The following NDUFS1 variants were observed in gnomAD, a reference collection of about 807,000 sequenced individuals.
The protein encoded by NDUFS1 is NADH:ubiquinone oxidoreductase core subunit S1.
NDUFS1 carries 61 observed loss-of-function variants against 84.4 expected under a neutral mutation model. The ratio of observed to expected loss-of-function variants is 0.72; its 90% CI spans 0.59 to 0.89. The LOEUF is 0.89. Ranked by LOEUF, NDUFS1 falls within the 40% of genes least tolerant of loss-of-function variation. The probability of loss-of-function intolerance (pLI) is 0.00; values close to 1 mark genes in which losing one functional copy is unlikely to be tolerated. For synonymous variants in NDUFS1, 275 were observed against 290.0 expected (o/e 0.95, Z 0.53); for missense variants, 891 against 890.0 (o/e 1.00, Z -0.01).
intron 5 of NDUFS1, among the ~76,000 whole-genome samples, chr2:206,148,332 A>AT (rs887849102): frequency 2.0e-5 from 3 of 151,664 alleles, no homozygotes; most frequent in African/African-American, 2.4e-5. Flanking sequence ...TTGTGGTAAT[A>AT]TTTTTTTTAA....
In NDUFS1 at chr2:206,144,882, T is replaced by A. The variant is rs572324848; in HGVS notation, c.872+10A>T. 3.2e-5 allele frequency: 51 copies of A among 1,613,090 alleles called. No individual in the cohort carries two copies. The Admixed American group carries it at 3.7e-4, about 12-fold the overall frequency. On this transcript the variant is annotated intron_variant, in intron 9 of 18. Coordinates refer to ENST00000233190, the MANE Select transcript of NDUFS1 (RefSeq NM_005006.7). ...ACTGTAAAAGTTAAGGAAAACAATA[T>A]AGCATATACCTGGTTTTATCAGAGA...
intron 1 of NDUFS1, chr2:206,159,061 T>C: frequency 6.5e-7 from 1 of 1,535,100 alleles, no homozygotes; most frequent in Non-Finnish European, 8.7e-7. Flanking sequence ...TGTCCTGAAT[T>C]TTCCCTGCAG....
chr2:206,158,698 A>C (rs1180413116), intron 1 of NDUFS1, among the ~76,000 whole-genome samples: 1 of 152,378 alleles, frequency 6.6e-6, no homozygotes, highest in Non-Finnish European at 1.5e-5. Context: ...TCGTGTGTGA[A>C]CAGAGTTGTG....
chr2:206,133,749 G>A (rs1438835541), intron 13 of NDUFS1, among the ~76,000 whole-genome samples: 4 of 152,198 alleles, frequency 2.6e-5, no homozygotes, highest in African/African-American at 7.2e-5. Flanking sequence ...AGGCTGAGGT[G>A]GGTGGATCAC....
intron 11 of NDUFS1, 24 bp from the exon 12 acceptor site, chr2:206,142,093 C>T: frequency 1.3e-6 from 2 of 1,552,216 alleles, no homozygotes; most frequent in Non-Finnish European, 1.8e-6. Flanking sequence ...ATATAAAATG[C>T]AAATTTACTT....
Position 206,122,084 on chromosome 2 carries a change from G to A in NDUFS1, c.*2101C>T, listed in dbSNP as rs918431832. 1 of 152,088 alleles carries A rather than the reference G, an allele frequency of 6.6e-6. No homozygotes were observed. Among genetic ancestry groups the A allele is most frequent in the Non-Finnish European group, 1.5e-5 (1 of 68,026 alleles). 9.4% of individuals were successfully genotyped at this position (152,088 alleles called of 1,614,324 possible). ...CAACTTCATGATGTATCACTGAGGAGGATAAGATAAACAGTTCTAAAAGCT... is the reference window on the plus strand; with the variant it reads ...CAACTTCATGATGTATCACTGAGGAAGATAAGATAAACAGTTCTAAAAGCT... On this transcript the variant is annotated 3_prime_UTR_variant, in exon 19 of 19. Transcript: ENST00000233190.
rs139379189 is a variant in NDUFS1 at position 206,128,809 on chromosome 2, A to G, written c.1709-837T>C. On this transcript the variant is annotated intron_variant, in intron 15 of 18. Transcript: ENST00000233190. ...AAAAAAAATTTTTTTTTTAAAGAAA[A>G]AAAAGTATCTTCTCAGACTATTTTA... 2.0e-3 allele frequency among the ~76,000 whole-genome samples: 309 copies of G among 152,154 alleles called. 1 individual carries two copies. Among genetic ancestry groups the G allele is most frequent in the African/African-American group, 7.1e-3 (293 of 41,534 alleles).
At chr2:206,159,113 C>A in intron 1 of NDUFS1, 1 of 1,535,716 alleles carries the variant, frequency 6.5e-7, no homozygotes, top group Non-Finnish European at 8.7e-7. Flanking sequence ...ACAGCGTTCC[C>A]GAGGACCCCC....
intron 13 of NDUFS1, among the ~76,000 whole-genome samples, chr2:206,136,627 T>C (rs1490011732): frequency 6.6e-6 from 1 of 151,730 alleles, no homozygotes; most frequent in Non-Finnish European, 1.5e-5. Flanking sequence ...AGAGACGGGG[T>C]TTAACCATGT....
intron 13 of NDUFS1, among the ~76,000 whole-genome samples, chr2:206,135,423 C>T (rs974902002): frequency 6.6e-5 from 10 of 152,040 alleles, no homozygotes; most frequent in Middle Eastern, 3.4e-3. Context: ...GCCTGTAATC[C>T]CAGTACTTTG....
chr2:206,142,407 G>A (rs1002845054), intron 11 of NDUFS1, among the ~76,000 whole-genome samples: 1 of 152,142 alleles, frequency 6.6e-6, no homozygotes, highest in Non-Finnish European at 1.5e-5. Context: ...TAGAGACGGG[G>A]TTTCGCCATG....
At chr2:206,127,517 C>CA (rs1240650505) in intron 16 of NDUFS1, 1 of 322,152 alleles carries the variant, frequency 3.1e-6, no homozygotes, top group Non-Finnish European at 5.9e-6. Flanking sequence ...AACTCTGTCT[C>CA]AAAAATAAAT....
chr2:206,124,169 G>A lies in NDUFS1; in HGVS notation c.*16C>T, dbSNP rs1363588987. The stretch of plus-strand genomic sequence containing the variant: ...CATTAATTATCTGCGGCAAAACTGG[G>A]ATCCTAGTAGAAGCTTCAGCATATG... On this transcript the variant is annotated 3_prime_UTR_variant, in exon 19 of 19. Coordinates refer to ENST00000233190, the MANE Select transcript of NDUFS1 (RefSeq NM_005006.7). The A allele has an allele frequency of 1.3e-6, 2 of 1,554,994 alleles. No individual in the cohort carries two copies. Among genetic ancestry groups the A allele is most frequent in the South Asian group, 1.1e-5 (1 of 89,820 alleles).
chr2:206,115,821 T>C lies in NDUFS1; in HGVS notation c.*8364A>G, dbSNP rs1359895700. ...GAATAACAACATTATCTTTGAATTA[T>C]GTAATTTTTGTAACTAATTTTTACC... On this transcript the variant is annotated 3_prime_UTR_variant, in exon 19 of 19. Coordinates refer to ENST00000233190, the MANE Select transcript of NDUFS1 (RefSeq NM_005006.7). 7.0e-6 allele frequency: 3 copies of C among 426,602 alleles called. No individual in the cohort carries two copies. The highest frequency in any genetic ancestry group is 4.0e-5 in the African/African-American group (2 of 49,484). 26.4% of individuals were successfully genotyped at this position (426,602 alleles called of 1,614,324 possible).
chr2:206,142,198 T>A, intron 11 of NDUFS1, 129 bp from the exon 12 acceptor site: 1 of 783,606 alleles, frequency 1.3e-6, no homozygotes, highest in Non-Finnish European at 2.1e-6. Flanking sequence ...ATTTCTAAAT[T>A]AAATGAACAT....
In NDUFS1 at chr2:206,120,051, T is replaced by G. The variant is rs113775923; in HGVS notation, c.*4134A>C. 120 of 152,294 alleles carry G rather than the reference T, an allele frequency of 7.9e-4. No individual in the cohort carries two copies. The highest frequency in any genetic ancestry group is 2.7e-3 in the African/African-American group (114 of 41,562). The allele number at this position is 152,294 out of a possible 1,614,324, so 9.4% of individuals were successfully genotyped here. On this transcript the variant is annotated 3_prime_UTR_variant, in exon 19 of 19. Coordinates refer to ENST00000233190, the MANE Select transcript of NDUFS1 (RefSeq NM_005006.7). ...GTTTAGAGTCTGGGACCTCCTCCTC[T>G]CTCTTGCTCCCTCTCTCACCATGTG...
At position 206,147,731 on chromosome 2, in the gene NDUFS1, T is replaced by C. The variant is rs753520996; in HGVS notation, c.420+22A>G. The C allele has an allele frequency of 1.2e-5, 19 of 1,613,826 alleles. No individual in the cohort carries two copies. The East Asian group carries it at 1.8e-4, about 15-fold the overall frequency. On this transcript the variant is annotated intron_variant, in intron 6 of 18. Transcript: ENST00000233190. ...TTAAAATCTGAGACAACCAAAAAGA[T>C]TGACAGAATTCTACTACATACCTGC...
intron 12 of NDUFS1, among the ~76,000 whole-genome samples, chr2:206,140,364 C>T (rs552411129): frequency 6.6e-6 from 1 of 151,950 alleles, no homozygotes; most frequent in Admixed American, 6.6e-5. Flanking sequence ...ACTAGCTGGA[C>T]GTGGTGGCAT....
intron 3 of NDUFS1, among the ~76,000 whole-genome samples, chr2:206,152,066 A>G (rs988029221): frequency 7.2e-5 from 11 of 152,122 alleles, no homozygotes; most frequent in African/African-American, 1.7e-4. Flanking sequence ...GGGGTTTCAC[A>G]GTGCTGGCCA....
Sources: gnomAD v4.1 joint callset for allele counts (sites outside exome capture counted in the v4.1 genomes callset) on GRCh38, gnomAD v4.1.1 for gene constraint, MANE v1.5 for transcripts, NCBI Gene and HGNC (gene_info 2026-07-23, HGNC 2026-07-21) for gene names.